Variants in GPR89A observed in about 807,000 individuals in gnomAD.
GPR89A encodes G protein-coupled receptor 89A.
GPR89A carries 16 observed loss-of-function variants against 52.0 expected under a neutral mutation model. The ratio of observed to expected loss-of-function variants is 0.31; its 90% CI spans 0.21 to 0.47. The LOEUF (loss-of-function observed/expected upper bound fraction) is 0.47. Ranked by LOEUF, GPR89A falls within the 20% of genes least tolerant of loss-of-function variation. GPR89A has a pLI of 1.00. For synonymous variants in GPR89A, 55 were observed against 150.9 expected (o/e 0.36, Z 4.66); for missense variants, 135 against 449.4 (o/e 0.30, Z 6.33).
At chr1:145,660,640 G>A (rs183907130) in intron 10 of GPR89A, among the ~76,000 whole-genome samples, 2,040 of 152,058 alleles carry the variant, frequency 0.013, 54 homozygotes, top group African/African-American at 0.047. Flanking sequence ...CAAAAAGTTG[G>A]CGAAGGACAT....
At chr1:145,629,286 T>C (rs1553689458) in intron 5 of GPR89A, among the ~76,000 whole-genome samples, 2 of 152,150 alleles carry the variant, frequency 1.3e-5, no homozygotes, top group African/African-American at 4.8e-5. Flanking sequence ...TGCAGATGTA[T>C]ATTCAATGTT....
At chr1:145,650,212 A>G (rs1470544785) in intron 10 of GPR89A, among the ~76,000 whole-genome samples, 529 of 146,588 alleles carry the variant, frequency 3.6e-3, no homozygotes, top group African/African-American at 0.013. Flanking sequence ...TTCAGTTCCC[A>G]CTTATAAGTG....
At chr1:145,649,370 A>C (rs587634876) in intron 10 of GPR89A, among the ~76,000 whole-genome samples, 1 of 152,104 alleles carries the variant, frequency 6.6e-6, no homozygotes, top group African/African-American at 2.4e-5. Flanking sequence ...TGTATTTTCT[A>C]GAATGTTATG....
At chr1:145,609,377 T>C (rs1648090699) in intron 1 of GPR89A, among the ~76,000 whole-genome samples, 1 of 152,258 alleles carries the variant, frequency 6.6e-6, no homozygotes, top group African/African-American at 2.4e-5. Flanking sequence ...CCTACCACTC[T>C]AATGCAATAG....
chr1:145,654,570 A>AAAAC (rs1651690360), intron 10 of GPR89A, among the ~76,000 whole-genome samples: 1 of 148,050 alleles, frequency 6.8e-6, no homozygotes, highest in Admixed American at 6.7e-5. Context: ...AAAAAAAAAA[A>AAAAC]ACAGAATGTT....
intron 5 of GPR89A, among the ~76,000 whole-genome samples, chr1:145,628,203 G>T (rs1239244300): frequency 6.6e-6 from 1 of 151,798 alleles, no homozygotes; most frequent in African/African-American, 2.4e-5. Context: ...ATGCCATTAG[G>T]TGAAGCTGGG....
chr1:145,610,975 T>C (rs193025120), intron 1 of GPR89A, among the ~76,000 whole-genome samples: 53 of 152,248 alleles, frequency 3.5e-4, no homozygotes, highest in African/African-American at 1.3e-3. Context: ...CACTCTTAAG[T>C]CCTAAGGTCA....
At chr1:145,654,420 G>A (rs766222769) in intron 10 of GPR89A, among the ~76,000 whole-genome samples, 56 of 151,900 alleles carry the variant, frequency 3.7e-4, no homozygotes, top group Middle Eastern at 3.4e-3. Context: ...AGGCATGGTG[G>A]CAGGCGCCTG....
chr1:145,636,885 A>G (rs1553690867), intron 7 of GPR89A, among the ~76,000 whole-genome samples: 1 of 152,184 alleles, frequency 6.6e-6, no homozygotes, highest in Non-Finnish European at 1.5e-5. Flanking sequence ...CACCCACTCA[A>G]GTGTACAGAT....
Position 145,663,425 on chromosome 1 carries a change from G to C in GPR89A, c.1005+1G>C. 6.2e-7 allele frequency: 1 copy of C among 1,610,222 alleles called. No homozygotes were observed. The highest frequency in any genetic ancestry group is 1.3e-5 in the African/African-American group (1 of 74,840). ...GAATTATCTGGGAATCCAATTTGAT[G>C]TAAGTGTTATATCAAGATCCTGGTT... On this transcript the variant is annotated splice_donor_variant, in intron 11 of 13. Coordinates refer to ENST00000313835, the MANE Select transcript of GPR89A (RefSeq NM_001097612.2). LOFTEE classifies it high-confidence loss of function.
chr1:145,660,708 C>T (rs1198155271), intron 10 of GPR89A, among the ~76,000 whole-genome samples: 1 of 151,794 alleles, frequency 6.6e-6, no homozygotes, highest in Non-Finnish European at 1.5e-5. Flanking sequence ...AGAAAAAATG[C>T]TCACCATCAC....
At chr1:145,621,074 G>T (rs1241561653) in intron 3 of GPR89A, among the ~76,000 whole-genome samples, 3 of 151,946 alleles carry the variant, frequency 2.0e-5, no homozygotes, top group African/African-American at 4.8e-5. Context: ...TAGTCTAAAT[G>T]GTATTCACTC....
intron 12 of GPR89A, 65 bp from the exon 13 acceptor site, chr1:145,669,560 T>G: frequency 6.4e-7 from 1 of 1,563,746 alleles, no homozygotes; most frequent in Non-Finnish European, 8.8e-7. Flanking sequence ...TAACCATATT[T>G]CTTACTGTTC....
intron 1 of GPR89A, among the ~76,000 whole-genome samples, chr1:145,611,039 C>T (rs1242990026): frequency 2.6e-5 from 4 of 152,190 alleles, no homozygotes; most frequent in Admixed American, 6.5e-5. Context: ...AGAAGCTATA[C>T]GCCTTCCATT....
intron 7 of GPR89A, among the ~76,000 whole-genome samples, chr1:145,635,934 G>A (rs1553690649): frequency 6.6e-6 from 1 of 152,124 alleles, no homozygotes; most frequent in Non-Finnish European, 1.5e-5. Context: ...ACTCCAGCCT[G>A]GGGGCAGAAC....
intron 7 of GPR89A, among the ~76,000 whole-genome samples, chr1:145,632,914 C>G (rs1357413647): frequency 6.6e-6 from 1 of 152,020 alleles, no homozygotes; most frequent in Non-Finnish European, 1.5e-5. Flanking sequence ...TGTTCTTTAT[C>G]TTTTGCCCCT....
At chr1:145,635,881 C>T (rs1479864574) in intron 7 of GPR89A, among the ~76,000 whole-genome samples, 6 of 152,158 alleles carry the variant, frequency 3.9e-5, no homozygotes, top group Non-Finnish European at 8.8e-5. Flanking sequence ...ATCGCTTGAA[C>T]CCGGGAGGCA....
intron 7 of GPR89A, among the ~76,000 whole-genome samples, chr1:145,635,889 G>T (rs587620347): frequency 6.6e-6 from 1 of 152,140 alleles, no homozygotes; most frequent in East Asian, 1.9e-4. Context: ...AACCCGGGAG[G>T]CAGAGGTTGC....
At chr1:145,624,484 C>T (rs1553688676) in intron 5 of GPR89A, among the ~76,000 whole-genome samples, 1 of 149,016 alleles carries the variant, frequency 6.7e-6, no homozygotes, top group African/African-American at 2.6e-5. Flanking sequence ...AAATATACTA[C>T]AGGTTTCATG....
Sources: gnomAD v4.1 joint callset for allele counts (sites outside exome capture counted in the v4.1 genomes callset) on GRCh38, gnomAD v4.1.1 for gene constraint, MANE v1.5 for transcripts, NCBI Gene and HGNC (gene_info 2026-07-23, HGNC 2026-07-21) for gene names.